Variants in CELF4 observed in about 807,000 individuals in gnomAD.
The protein encoded by CELF4 is CUG-BP- and ETR-3-like factor 4.
A neutral mutation model predicts 59.9 loss-of-function variants in CELF4; 18 were observed. That is an observed-to-expected ratio of 0.30 (90% CI 0.21 to 0.45). CELF4 has a LOEUF of 0.45. Ranked by LOEUF, CELF4 falls within the 20% of genes least tolerant of loss-of-function variation. The pLI is 1.00. For missense variants in CELF4, 456 were observed against 689.0 expected, an observed-to-expected ratio of 0.66 and a Z score of 3.79; for synonymous variants, 261 against 267.1, an observed-to-expected ratio of 0.98 and a Z score of 0.22.
chr18:37,388,440 C>T (rs576760705), intron 2 of CELF4, among the ~76,000 whole-genome samples: 1 of 151,558 alleles, frequency 6.6e-6, no homozygotes, highest in South Asian at 2.1e-4. Context: ...CCCTCCTTCT[C>T]TCTCCTTCTT....
intron 1 of CELF4, among the ~76,000 whole-genome samples, chr18:37,501,063 G>C (rs576560106): frequency 6.6e-6 from 1 of 152,220 alleles, no homozygotes; most frequent in South Asian, 2.1e-4. Flanking sequence ...AAGGATTCAG[G>C]CCAGCTGAGA....
At chr18:37,494,148 G>A (rs1171881107) in intron 1 of CELF4, among the ~76,000 whole-genome samples, 1 of 152,236 alleles carries the variant, frequency 6.6e-6, no homozygotes, top group Admixed American at 6.5e-5. Context: ...GAACCAGCCA[G>A]TGGGTCCTTT....
chr18:37,409,129 A>G (rs1172905190), intron 2 of CELF4, among the ~76,000 whole-genome samples: 1 of 152,178 alleles, frequency 6.6e-6, no homozygotes, highest in Non-Finnish European at 1.5e-5. Flanking sequence ...CTACATACTC[A>G]TGTGCTGGGA....
chr18:37,316,784 C>A (rs1603451877), intron 3 of CELF4, among the ~76,000 whole-genome samples: 1 of 152,134 alleles, frequency 6.6e-6, no homozygotes, highest in Admixed American at 6.5e-5. Flanking sequence ...TCCAGCCTAG[C>A]CCTGCCTCCC....
intron 12 of CELF4, among the ~76,000 whole-genome samples, chr18:37,250,789 A>T (rs2065019310): frequency 6.6e-6 from 1 of 152,224 alleles, no homozygotes; most frequent in Non-Finnish European, 1.5e-5. Context: ...GCCTTCTATT[A>T]GAGCTTCCAA....
At chr18:37,561,044 G>A (rs1165394068) in intron 1 of CELF4, among the ~76,000 whole-genome samples, 2 of 152,180 alleles carry the variant, frequency 1.3e-5, no homozygotes, top group Non-Finnish European at 2.9e-5. Context: ...TGTGCATGTG[G>A]TGGTGAGTAT....
intron 2 of CELF4, among the ~76,000 whole-genome samples, chr18:37,423,063 C>T (rs548565492): frequency 8.0e-4 from 50 of 62,130 alleles, no homozygotes; most frequent in African/African-American, 1.8e-3. Flanking sequence ...TGCGCGCGCG[C>T]GCACACACAC....
chr18:37,560,066 G>T (rs2099986084), intron 1 of CELF4, among the ~76,000 whole-genome samples: 1 of 152,152 alleles, frequency 6.6e-6, no homozygotes, highest in Non-Finnish European at 1.5e-5. Flanking sequence ...GTGATGAAGG[G>T]AGTGAAAGTA....
intron 1 of CELF4, among the ~76,000 whole-genome samples, chr18:37,562,354 A>C (rs2154606336): frequency 6.8e-6 from 1 of 146,790 alleles, no homozygotes; most frequent in South Asian, 2.2e-4. Context: ...TGTTTAATTT[A>C]GTTTTTACTT....
intron 2 of CELF4, among the ~76,000 whole-genome samples, chr18:37,333,205 C>G (rs947798460): frequency 6.6e-6 from 1 of 152,206 alleles, no homozygotes; most frequent in Non-Finnish European, 1.5e-5. Context: ...GGCATATCCA[C>G]GTATCCCCTC....
At chr18:37,550,634 C>T (rs2099982891) in intron 1 of CELF4, among the ~76,000 whole-genome samples, 1 of 152,214 alleles carries the variant, frequency 6.6e-6, no homozygotes, top group East Asian at 1.9e-4. Context: ...CACTGGGAGC[C>T]CAGCAAAGAG....
chr18:37,284,021 C>T (rs2154394485), intron 3 of CELF4, among the ~76,000 whole-genome samples: 1 of 4,872 alleles, frequency 2.1e-4, no homozygotes, highest in Non-Finnish European at 4.7e-4. Flanking sequence ...AACATGCACA[C>T]ACACCCAACA....
intron 3 of CELF4, among the ~76,000 whole-genome samples, chr18:37,294,135 G>A (rs1409054333): frequency 6.6e-6 from 1 of 152,166 alleles, no homozygotes; most frequent in Non-Finnish European, 1.5e-5. Flanking sequence ...GTGAGGGTGG[G>A]GGCAGGCTGG....
At chr18:37,410,679 C>G (rs909972021) in intron 2 of CELF4, among the ~76,000 whole-genome samples, 1 of 152,290 alleles carries the variant, frequency 6.6e-6, no homozygotes, top group East Asian at 1.9e-4. Flanking sequence ...GCCCAGCAAT[C>G]GCATATTGTA....
At chr18:37,445,291 C>T (rs184371017) in intron 2 of CELF4, among the ~76,000 whole-genome samples, 131 of 152,094 alleles carry the variant, frequency 8.6e-4, no homozygotes, top group Non-Finnish European at 1.6e-3. Context: ...CCCCAGAGAG[C>T]GCGGCCAGGG....
chr18:37,430,317 G>A (rs1289971092), intron 2 of CELF4, among the ~76,000 whole-genome samples: 7 of 152,202 alleles, frequency 4.6e-5, no homozygotes, highest in Non-Finnish European at 7.3e-5. Flanking sequence ...ATCTCAACAC[G>A]AAGACTGATT....
At chr18:37,488,431 C>A (rs576568069) in intron 1 of CELF4, among the ~76,000 whole-genome samples, 1 of 152,316 alleles carries the variant, frequency 6.6e-6, no homozygotes, top group East Asian at 1.9e-4. Context: ...AATGCCAGAA[C>A]ACCTCAGCTA....
intron 2 of CELF4, among the ~76,000 whole-genome samples, chr18:37,406,447 G>A (rs2154588776): frequency 6.6e-6 from 1 of 152,258 alleles, no homozygotes; most frequent in East Asian, 1.9e-4. Flanking sequence ...TAGGCTGACG[G>A]TCCTGCGCTA....
rs561464294 is a variant in CELF4 at position 37,243,186 on chromosome 18, C to CTTTTTTTTTTTTTT, written c.*2042_*2055dup. ...TGTTTTCTTTTTTTTTTCTTTTTTTCTTTTTTTTTTTTTTTTTTTTACATC... is the reference window on the plus strand; with the variant it reads ...TGTTTTCTTTTTTTTTTCTTTTTTTCTTTTTTTTTTTTTTTTTTTTTTTTTTTTTTTTTTACATC... On this transcript the variant is annotated 3_prime_UTR_variant, in exon 13 of 13. Coordinates refer to ENST00000420428, the MANE Select transcript of CELF4 (RefSeq NM_020180.4). 2 of 100,554 alleles carry CTTTTTTTTTTTTTT rather than the reference C, an allele frequency of 2.0e-5. No homozygotes were observed. The highest frequency in any genetic ancestry group is 2.9e-4 in the East Asian group (1 of 3,394). The allele number at this position is 100,554 out of a possible 1,614,324, so 6.2% of individuals were successfully genotyped here.
Sources: allele counts gnomAD v4.1 joint callset (sites outside exome capture counted in the v4.1 genomes callset), GRCh38; gene constraint gnomAD v4.1.1; transcripts MANE v1.5; gene names NCBI Gene and HGNC (gene_info 2026-07-23, HGNC 2026-07-21).